Variants in TCF4 observed in about 807,000 individuals in gnomAD.
TCF4 encodes transcription factor 4, also known as SL3-3 enhancer factor 2.
TCF4 carries 3 observed loss-of-function variants against 82.1 expected under a neutral mutation model. That is an observed-to-expected ratio of 0.04 (90% CI 0.02 to 0.09). TCF4 has a LOEUF of 0.09. TCF4 is among the 10% of genes least tolerant of loss of function. The probability of loss-of-function intolerance (pLI) is 1.00; values close to 1 mark genes in which losing one functional copy is unlikely to be tolerated. For missense variants in TCF4, 518 were observed against 852.7 expected (o/e 0.61, Z 4.89); for synonymous variants, 276 against 309.6 (o/e 0.89, Z 1.14).
intron 2 of TCF4, among the ~76,000 whole-genome samples, chr18:55,625,495 C>T (rs2097725704): frequency 6.6e-6 from 1 of 152,118 alleles, no homozygotes; most frequent in Non-Finnish European, 1.5e-5. Context: ...CCTTGGCCTC[C>T]CAAAGTGCTG....
rs979625709 is a variant in TCF4, at chr18:55,420,500, T to A, written c.305-16982A>T. 5.3e-5 allele frequency among the ~76,000 whole-genome samples: 8 copies of A among 152,140 alleles called. No individual in the cohort carries two copies. The South Asian group carries it at 1.7e-3, about 32-fold the overall frequency. On this transcript the variant is annotated intron_variant, in intron 5 of 19. Transcript: ENST00000354452. ...GAATCACCCTGAAGTTTTTCTCCAG[T>A]TTACTCAGTCACATAAGCCACCAGA...
At chr18:55,266,218 G>A (rs2059145532) in intron 11 of TCF4, 2 of 152,174 alleles carry the variant, frequency 1.3e-5, no homozygotes, top group South Asian at 4.1e-4. Flanking sequence ...CTAACCAAAT[G>A]TGTATGGTTA....
chr18:55,458,454 T>C (rs753668482), intron 5 of TCF4, among the ~76,000 whole-genome samples: 5 of 152,254 alleles, frequency 3.3e-5, no homozygotes, highest in Non-Finnish European at 5.9e-5. Context: ...ACACAGCATA[T>C]ATGCTATGAG....
chr18:55,289,730 G>A (rs1277976073), intron 8 of TCF4, among the ~76,000 whole-genome samples: 1 of 152,104 alleles, frequency 6.6e-6, no homozygotes, highest in East Asian at 1.9e-4. Context: ...TCTTCCAGAG[G>A]AAAACAAATT....
chr18:55,460,149 T>C (rs1443216260), intron 5 of TCF4, among the ~76,000 whole-genome samples: 2 of 152,110 alleles, frequency 1.3e-5, no homozygotes, highest in African/African-American at 2.4e-5. Flanking sequence ...GTCCAACAGA[T>C]TGTACCAAGA....
intron 6 of TCF4, among the ~76,000 whole-genome samples, chr18:55,392,089 G>A (rs28602385): frequency 0.5 from 72,913 of 145,590 alleles, 20,067 homozygotes; most frequent in African/African-American, 0.77. Context: ...TCAGCCTCCT[G>A]AGTAGCTGGG....
intron 4 of TCF4, 95 bp downstream of exon 4, chr18:55,463,973 TGTGTGAGA>T (rs1475130744): frequency 0.012 from 3,198 of 273,912 alleles, 6 homozygotes; most frequent in Non-Finnish European, 0.018. Context: ...TGTGTGTGTG[TGTGTGAGA>T]GAGAGAGAGA....
intron 6 of TCF4, among the ~76,000 whole-genome samples, chr18:55,365,191 A>ATATATATATATATATATGTGTGTGTGTG (rs1361444592): frequency 3.1e-5 from 3 of 97,942 alleles, no homozygotes; most frequent in African/African-American, 1.5e-4. Context: ...ATATATATAT[A>ATATATATATATATATATGTGTGTGTGTG]TGTGTGTGTG....
intron 15 of TCF4, among the ~76,000 whole-genome samples, chr18:55,236,318 G>A (rs1226444422): frequency 6.6e-6 from 1 of 152,120 alleles, no homozygotes; most frequent in Non-Finnish European, 1.5e-5. Context: ...TGGCCTCTGT[G>A]GGGTGCTTCA....
At chr18:55,357,862 G>A (rs951453293) in intron 6 of TCF4, among the ~76,000 whole-genome samples, 7 of 152,088 alleles carry the variant, frequency 4.6e-5, no homozygotes, top group African/African-American at 1.4e-4. Flanking sequence ...AAAGTGTCCC[G>A]CTAACAATCT....
chr18:55,448,671 A>G (rs1002295431), intron 5 of TCF4, among the ~76,000 whole-genome samples: 15 of 152,234 alleles, frequency 9.9e-5, no homozygotes, highest in Admixed American at 9.8e-4. Context: ...CAGCTTCTCT[A>G]AAGTGCTTGC....
intron 5 of TCF4, among the ~76,000 whole-genome samples, chr18:55,409,778 T>TA (rs1279369181): frequency 6.6e-6 from 1 of 152,232 alleles, no homozygotes. Context: ...TTATATGTCT[T>TA]ACGGTAATCT....
chr18:55,251,930 G>T (rs1275727323), intron 15 of TCF4, among the ~76,000 whole-genome samples: 102 of 101,222 alleles, frequency 1.0e-3, no homozygotes, highest in Non-Finnish European at 1.4e-3. Context: ...GGGGGATGAG[G>T]TTTTTTTTTT....
intron 3 of TCF4, among the ~76,000 whole-genome samples, chr18:55,567,287 T>C (rs1289609231): frequency 1.3e-5 from 2 of 152,184 alleles, no homozygotes; most frequent in African/African-American, 4.8e-5. Flanking sequence ...CAGGAAAATA[T>C]AGTAATTCTT....
At chr18:55,523,478 G>A (rs1443177032) in intron 3 of TCF4, among the ~76,000 whole-genome samples, 1 of 151,790 alleles carries the variant, frequency 6.6e-6, no homozygotes, top group African/African-American at 2.4e-5. Context: ...CAATAAGTAT[G>A]AATTTATTTA....
intron 3 of TCF4, 26 bp from the exon 4 acceptor site, chr18:55,464,163 G>T (rs780830127): frequency 2.3e-5 from 37 of 1,609,742 alleles, no homozygotes; most frequent in Non-Finnish European, 3.1e-5. Context: ...AAGTTCTTTA[G>T]GCTTTCTTGC....
intron 2 of TCF4, among the ~76,000 whole-genome samples, chr18:55,608,920 C>T (rs2097704642): frequency 6.6e-6 from 1 of 152,100 alleles, no homozygotes; most frequent in Non-Finnish European, 1.5e-5. Flanking sequence ...GAAGGCTAAT[C>T]CCCAATGTGA....
chr18:55,254,112 TG>T (rs1336311701), intron 15 of TCF4, among the ~76,000 whole-genome samples: 1 of 152,170 alleles, frequency 6.6e-6, no homozygotes, highest in Non-Finnish European at 1.5e-5. Context: ...AAGTAAAAGA[TG>T]CCAGTCAAAA....
At chr18:55,341,491 T>C (rs1160756457) in intron 8 of TCF4, among the ~76,000 whole-genome samples, 1 of 152,180 alleles carries the variant, frequency 6.6e-6, no homozygotes, top group Non-Finnish European at 1.5e-5. Context: ...CAGGCACTAT[T>C]TTATACCTGC....
Sources: gnomAD v4.1 joint callset for allele counts (sites outside exome capture counted in the v4.1 genomes callset) on GRCh38, gnomAD v4.1.1 for gene constraint, MANE v1.5 for transcripts, NCBI Gene and HGNC (gene_info 2026-07-23, HGNC 2026-07-21) for gene names.